ST8SIA2: variants seen among roughly 807,000 people sequenced by gnomAD.
ST8SIA2 encodes alpha-2,8-sialyltransferase 8B.
ST8SIA2 carries 22 observed loss-of-function variants against 37.6 expected under a neutral mutation model. The ratio of observed to expected loss-of-function variants is 0.58; its 90% CI spans 0.42 to 0.83. ST8SIA2 has a LOEUF of 0.83. Among genes scored for constraint, ST8SIA2 ranks in the 40% least tolerant of loss-of-function variants. ST8SIA2 has a pLI of 0.00. For missense variants in ST8SIA2, 382 were observed against 484.7 expected (o/e 0.79, Z 1.99); for synonymous variants, 205 against 201.2 (o/e 1.02, Z -0.16).
At chr15:92,396,545 G>C (rs771215821) in intron 1 of ST8SIA2, among the ~76,000 whole-genome samples, 1 of 151,522 alleles carries the variant, frequency 6.6e-6, no homozygotes, top group Non-Finnish European at 1.5e-5. Flanking sequence ...CCAGGATGGA[G>C]TGCAGTGGCA....
chr15:92,408,767 G>A (rs539777179), intron 1 of ST8SIA2, among the ~76,000 whole-genome samples: 8 of 151,462 alleles, frequency 5.3e-5, no homozygotes, highest in East Asian at 1.9e-4. Flanking sequence ...GTACAATGGC[G>A]TGATCTCAGC....
At chr15:92,437,949 G>T (rs1249710075) in intron 3 of ST8SIA2, among the ~76,000 whole-genome samples, 2 of 152,178 alleles carry the variant, frequency 1.3e-5, no homozygotes, top group African/African-American at 4.8e-5. Context: ...AAATGTCTGG[G>T]TGTGCCCCAG....
intron 4 of ST8SIA2, among the ~76,000 whole-genome samples, chr15:92,442,844 A>C (rs988572205): frequency 1.3e-5 from 2 of 152,166 alleles, no homozygotes; most frequent in African/African-American, 4.8e-5. Context: ...CTGAAATCAC[A>C]AACAGGCTCT....
intron 1 of ST8SIA2, among the ~76,000 whole-genome samples, chr15:92,400,676 G>A (rs1418307295): frequency 6.6e-6 from 1 of 152,180 alleles, no homozygotes; most frequent in Non-Finnish European, 1.5e-5. Context: ...GAGCCCAGAT[G>A]CCAAGCCTCT....
intron 1 of ST8SIA2, among the ~76,000 whole-genome samples, chr15:92,401,232 G>C (rs1246012353): frequency 6.6e-6 from 1 of 152,200 alleles, no homozygotes; most frequent in Non-Finnish European, 1.5e-5. Context: ...TCATCTTCCG[G>C]AGAGGCACTG....
intron 5 of ST8SIA2, among the ~76,000 whole-genome samples, chr15:92,453,929 G>A (rs2049901114): frequency 6.6e-6 from 1 of 152,144 alleles, no homozygotes; most frequent in Non-Finnish European, 1.5e-5. Context: ...CCGGACGCTG[G>A]GAAGAATATT....
intron 1 of ST8SIA2, among the ~76,000 whole-genome samples, chr15:92,395,953 C>T (rs2049427534): frequency 6.6e-6 from 1 of 152,228 alleles, no homozygotes; most frequent in African/African-American, 2.4e-5. Flanking sequence ...AAAATGCAAT[C>T]AGGAGATCAC....
intron 1 of ST8SIA2, among the ~76,000 whole-genome samples, chr15:92,419,929 G>C (rs577428131): frequency 2.0e-5 from 3 of 152,254 alleles, no homozygotes; most frequent in African/African-American, 7.2e-5. Context: ...GCAGTGGCGC[G>C]ATCTCGGCTC....
chr15:92,437,388 G>A (rs561209765), intron 3 of ST8SIA2, among the ~76,000 whole-genome samples: 1 of 152,300 alleles, frequency 6.6e-6, no homozygotes, highest in South Asian at 2.1e-4. Context: ...AAGGCTAAGA[G>A]GACACCCATC....
At chr15:92,398,208 C>G (rs372784001) in intron 1 of ST8SIA2, among the ~76,000 whole-genome samples, 1 of 152,176 alleles carries the variant, frequency 6.6e-6, no homozygotes, top group Admixed American at 6.5e-5. Context: ...GCATAGGGCT[C>G]TCCCTGTAGA....
rs80008577 is a variant in ST8SIA2 at position 92,400,490 on chromosome 15, C to A, written c.98+6328C>A. Among the ~76,000 whole-genome samples the A allele has an allele frequency of 5.7e-3, 870 of 152,336 alleles. 10 individuals carry two copies. The highest frequency in any genetic ancestry group is 0.02 in the African/African-American group (822 of 41,572). ...CTTGATCTGGAAGCCCCCTGCTTTT[C>A]CTGTGTATCTAGCGTGGAGGGTGCA... On this transcript the variant is annotated intron_variant, in intron 1 of 5. Transcript: ENST00000268164.
chr15:92,431,007 T>C (rs1204820278), intron 2 of ST8SIA2, among the ~76,000 whole-genome samples: 2 of 152,174 alleles, frequency 1.3e-5, no homozygotes, highest in Non-Finnish European at 2.9e-5. Flanking sequence ...CATGACTGAC[T>C]CGAGAAACTG....
chr15:92,454,836 T>C (rs2049908719), intron 5 of ST8SIA2, among the ~76,000 whole-genome samples: 1 of 152,040 alleles, frequency 6.6e-6, no homozygotes, highest in African/African-American at 2.4e-5. Flanking sequence ...CAATTGAGTA[T>C]GGCCTCAGGC....
chr15:92,431,631 G>A (rs2049716472), intron 2 of ST8SIA2, among the ~76,000 whole-genome samples: 2 of 152,172 alleles, frequency 1.3e-5, no homozygotes, highest in Admixed American at 6.5e-5. Flanking sequence ...GGAGGGGACT[G>A]GAAACAGGAG....
At position 92,464,072 on chromosome 15, in the gene ST8SIA2, CTTTTTTT is replaced by C. The variant is rs34156050; in HGVS notation, c.843-11_843-5del. The C allele has an allele frequency of 7.5e-5, 96 of 1,273,734 alleles. No individual in the cohort carries two copies. The Admixed American group carries it at 7.6e-4, about 10-fold the overall frequency. The allele number at this position is 1,273,734 out of a possible 1,614,324, so 78.9% of individuals were successfully genotyped here. A position where few individuals can be genotyped will look rare whatever the true frequency, so the allele number is the denominator to read the frequency against. ...TGACTCACAGACCCATGTTTCTTTT[CTTTTTTT>C]TTTTTTTTTTTTTTTTCCAGATACT... On this transcript the variant is annotated intron_variant, in intron 5 of 5. Coordinates refer to ENST00000268164, the MANE Select transcript of ST8SIA2 (RefSeq NM_006011.4).
chr15:92,444,100 A>C (rs2049823146), intron 4 of ST8SIA2, among the ~76,000 whole-genome samples: 1 of 152,142 alleles, frequency 6.6e-6, no homozygotes, highest in African/African-American at 2.4e-5. Context: ...GTAGTGTTCT[A>C]AGTACTGGGC....
intron 5 of ST8SIA2, among the ~76,000 whole-genome samples, chr15:92,462,208 C>T (rs2049962398): frequency 6.6e-6 from 1 of 152,216 alleles, no homozygotes; most frequent in Non-Finnish European, 1.5e-5. Context: ...AGATTCAAGT[C>T]ACCCCAGCCC....
intron 5 of ST8SIA2, among the ~76,000 whole-genome samples, chr15:92,450,063 T>C (rs2049871178): frequency 6.6e-6 from 1 of 152,148 alleles, no homozygotes; most frequent in African/African-American, 2.4e-5. Flanking sequence ...CTTTTAAGTA[T>C]GACACCAAAA....
chr15:92,464,318 C>A lies in ST8SIA2; in HGVS notation c.1061C>A (p.Ala354Asp), dbSNP rs150304343. 6.2e-7 allele frequency: 1 copy of A among 1,613,888 alleles called. No homozygotes were observed. The highest frequency in any genetic ancestry group is 8.5e-7 in the Non-Finnish European group (1 of 1,180,014). Residue 354 changes from alanine (A) to aspartate (D), a missense_variant, in exon 6 of 6, where the codon GCC becomes GAC. Transcript: ENST00000268164. Reference sequence around the variant, plus strand: ...CATACCATGCCCTTGGAGTTTAAGGCCCTCAAGAGCCTACATGAGCAGGGG... The same window carrying A: ...CATACCATGCCCTTGGAGTTTAAGGACCTCAAGAGCCTACATGAGCAGGGG... Reference protein sequence around the residue: ...SPHTMPLEFKALKSLHEQGAL... With the variant: ...SPHTMPLEFKDLKSLHEQGAL...
Sources: allele counts gnomAD v4.1 joint callset (sites outside exome capture counted in the v4.1 genomes callset), GRCh38; gene constraint gnomAD v4.1.1; transcripts MANE v1.5; gene names NCBI Gene and HGNC (gene_info 2026-07-23, HGNC 2026-07-21).